Variants in PDE1C observed in about 807,000 individuals in gnomAD.
The protein encoded by PDE1C is phosphodiesterase 1C, also known as dual specificity calcium/calmodulin-dependent 3',5'-cyclic nucleotide phosphodiesterase 1C.
In PDE1C, 62 loss-of-function variants were observed where a neutral mutation model predicts 93.1. That is an observed-to-expected ratio of 0.67 (90% CI 0.54 to 0.82). The LOEUF (loss-of-function observed/expected upper bound fraction) is 0.82, where lower values mean the gene tolerates loss of function less well. Among genes scored for constraint, PDE1C ranks in the 40% least tolerant of loss-of-function variants. The probability of loss-of-function intolerance (pLI) is 0.00; values close to 1 mark genes in which losing one functional copy is unlikely to be tolerated. For synonymous variants in PDE1C, 325 were observed against 310.1 expected (o/e 1.05, Z -0.50); for missense variants, 742 against 884.6 (o/e 0.84, Z 2.04).
At chr7:32,353,911 T>C (rs755641961) in intron 1 of PDE1C, among the ~76,000 whole-genome samples, 29 of 152,226 alleles carry the variant, frequency 1.9e-4, no homozygotes, top group Admixed American at 3.3e-4. Flanking sequence ...CTCAGGTCCA[T>C]GGTTAGATAA....
At chr7:31,855,069 T>TAAA (rs70989615) in intron 7 of PDE1C, among the ~76,000 whole-genome samples, 1,493 of 107,024 alleles carry the variant, frequency 0.014, 33 homozygotes, top group African/African-American at 0.05. Flanking sequence ...TCCCTCTGTC[T>TAAA]AAAAAAAAAA....
chr7:32,121,552 A>C (rs1799302221), intron 3 of PDE1C, among the ~76,000 whole-genome samples: 1 of 152,218 alleles, frequency 6.6e-6, no homozygotes, highest in African/African-American at 2.4e-5. Flanking sequence ...CCCTACAAGC[A>C]AGCCAGAAAA....
At chr7:31,742,650 C>T in the PDE1C span, among the ~76,000 whole-genome samples, 2 of 152,182 alleles carry the variant, frequency 1.3e-5, no homozygotes, top group South Asian at 2.1e-4. Context: ...GATTAATTCA[C>T]GGAACCCACC....
At chr7:31,650,940 C>T in the PDE1C span, among the ~76,000 whole-genome samples, 2 of 152,282 alleles carry the variant, frequency 1.3e-5, no homozygotes, top group Admixed American at 6.5e-5. Context: ...ACAACAGCTG[C>T]CCTTCTGTTG....
upstream of PDE1C, chr7:32,071,490 C>G (rs1796055945): frequency 2.4e-6 from 2 of 837,926 alleles, no homozygotes; most frequent in Admixed American, 1.2e-4. Flanking sequence ...TCCCTCCCTC[C>G]CTTTCACCCC....
At chr7:32,083,531 C>G (rs1479367738) in intron 3 of PDE1C, among the ~76,000 whole-genome samples, 2 of 152,062 alleles carry the variant, frequency 1.3e-5, no homozygotes, top group Non-Finnish European at 2.9e-5. Context: ...AGAAGAGCAA[C>G]TCCAAGACAC....
At position 32,374,179 on chromosome 7, in the gene PDE1C, A is replaced by AAAGAAAGAAAGAAAGAAAGAAAGAAAG. The variant is rs1554313954; in HGVS notation, c.310+53642_310+53643insCTTTCTTTCTTTCTTTCTTTCTTTCTT. Among the ~76,000 whole-genome samples, 191 of 31,246 alleles carry AAAGAAAGAAAGAAAGAAAGAAAGAAAG rather than the reference A, an allele frequency of 6.1e-3. 1 individual carries two copies. Among genetic ancestry groups the AAAGAAAGAAAGAAAGAAAGAAAGAAAG allele is most frequent in the Middle Eastern group, 0.015 (1 of 68 alleles). The allele number at this position is 31,246 out of a possible 152,430, so 20.5% of individuals were successfully genotyped here. A position where few individuals can be genotyped will look rare whatever the true frequency, so the allele number is the denominator to read the frequency against. Reference sequence around the variant, plus strand: ...AAGAAAGAGAAAGAAAGAAAGAAAGAAAGAAAGAAAGAAAGAGAGGGAAAG... The same window carrying AAAGAAAGAAAGAAAGAAAGAAAGAAAG: ...AAGAAAGAGAAAGAAAGAAAGAAAGAAAGAAAGAAAGAAAGAAAGAAAGAAAGAAGAAAGAAAGAAAGAGAGGGAAAG... On this transcript the variant is annotated intron_variant, in intron 1 of 1. Coordinates refer to the PDE1C transcript ENST00000672256.
At chr7:32,298,642 A>G in intron 1 of PDE1C, 1 of 1,599,768 alleles carries the variant, frequency 6.3e-7, no homozygotes, top group South Asian at 1.1e-5. Flanking sequence ...AGGGGTGGAA[A>G]GTTCTCACCT....
chr7:32,240,029 G>C (rs1326000415), intron 1 of PDE1C, among the ~76,000 whole-genome samples: 3 of 152,198 alleles, frequency 2.0e-5, no homozygotes, highest in Non-Finnish European at 4.4e-5. Context: ...GCCACCCCAT[G>C]TATAGGCATG....
the PDE1C span, chr7:31,695,730 T>C: frequency 1.8e-6 from 2 of 1,107,930 alleles, no homozygotes; most frequent in Non-Finnish European, 2.6e-6. Flanking sequence ...AAGTAATTTG[T>C]GCACTCCCCA....
In PDE1C at chr7:32,331,059, G is replaced by A. The variant is rs146457986; in HGVS notation, c.310+96763C>T. Among the ~76,000 whole-genome samples the A allele has an allele frequency of 3.0e-4, 45 of 152,278 alleles. 3 individuals carry two copies. The East Asian group carries it at 8.5e-3, about 29-fold the overall frequency. On this transcript the variant is annotated intron_variant, in intron 1 of 1. Coordinates refer to the PDE1C transcript ENST00000672256. ...GGCAAGACCTTGACCTACACTCTGGGCCAACTGCATCTCAGATCAATAAGA... is the reference window on the plus strand; with the variant it reads ...GGCAAGACCTTGACCTACACTCTGGACCAACTGCATCTCAGATCAATAAGA...
chr7:32,359,209 C>T (rs566508007), intron 1 of PDE1C, among the ~76,000 whole-genome samples: 1 of 152,230 alleles, frequency 6.6e-6, no homozygotes, highest in South Asian at 2.1e-4. Context: ...CCTCCGACCA[C>T]CTCCCTTTCC....
At chr7:32,100,978 G>C (rs1203297396) in intron 3 of PDE1C, among the ~76,000 whole-genome samples, 2 of 150,374 alleles carry the variant, frequency 1.3e-5, no homozygotes, top group Non-Finnish European at 3.0e-5. Context: ...CAGACCCATT[G>C]AATGTTTTGG....
the PDE1C span, among the ~76,000 whole-genome samples, chr7:31,685,042 G>C: frequency 8.7e-3 from 1,322 of 151,482 alleles, 11 homozygotes; most frequent in South Asian, 0.021. Flanking sequence ...CCATTCTATG[G>C]AATACTATTC....
the PDE1C span, among the ~76,000 whole-genome samples, chr7:31,627,515 C>G: frequency 6.6e-6 from 1 of 151,800 alleles, no homozygotes; most frequent in African/African-American, 2.4e-5. Context: ...AAAATTAGTC[C>G]AATGGGATGG....
chr7:32,163,951 C>A (rs540142926), intron 3 of PDE1C, among the ~76,000 whole-genome samples: 1 of 152,176 alleles, frequency 6.6e-6, no homozygotes, highest in Non-Finnish European at 1.5e-5. Flanking sequence ...TTAATCCTAA[C>A]AGCAGCCCCC....
intron 1 of PDE1C, among the ~76,000 whole-genome samples, chr7:32,291,929 T>A (rs1812356863): frequency 6.6e-6 from 1 of 152,214 alleles, no homozygotes; most frequent in Non-Finnish European, 1.5e-5. Context: ...GTTAGTAAGG[T>A]GCTAACCCCA....
chr7:32,131,789 A>G (rs190994237), intron 3 of PDE1C, among the ~76,000 whole-genome samples: 1 of 152,186 alleles, frequency 6.6e-6, no homozygotes, highest in East Asian at 1.9e-4. Flanking sequence ...ACACCTCTTT[A>G]TTTACCAAAA....
chr7:32,396,410 C>G (rs999220412), intron 1 of PDE1C, among the ~76,000 whole-genome samples: 2 of 151,620 alleles, frequency 1.3e-5, no homozygotes, highest in Non-Finnish European at 2.9e-5. Context: ...CCCAGGAGGT[C>G]GAGGTGGCAG....
Sources: allele counts gnomAD v4.1 joint callset (sites outside exome capture counted in the v4.1 genomes callset), GRCh38; gene constraint gnomAD v4.1.1; transcripts MANE v1.5; gene names NCBI Gene and HGNC (gene_info 2026-07-23, HGNC 2026-07-21).